The following SOX5 variants were observed in gnomAD, a reference collection of about 807,000 sequenced individuals.
SOX5 encodes the protein SRY-box transcription factor 5.
A neutral mutation model predicts 92.0 loss-of-function variants in SOX5; 9 were observed. That is an observed-to-expected ratio of 0.10 (90% CI 0.06 to 0.17). The LOEUF (loss-of-function observed/expected upper bound fraction) is 0.17. SOX5 is among the 10% of genes least tolerant of loss of function. The pLI, the probability that SOX5 is intolerant of heterozygous loss-of-function variation, is 1.00. For missense variants in SOX5, 642 were observed against 944.5 expected, an observed-to-expected ratio of 0.68 and a Z score of 4.20; for synonymous variants, 344 against 336.3, an observed-to-expected ratio of 1.02 and a Z score of -0.25.
chr12:23,817,322 T>C (rs1341387632), intron 3 of SOX5, among the ~76,000 whole-genome samples: 2 of 152,230 alleles, frequency 1.3e-5, no homozygotes, highest in Non-Finnish European at 2.9e-5. Flanking sequence ...GAGTTCAAGA[T>C]AATATCCTCT....
intron 3 of SOX5, among the ~76,000 whole-genome samples, chr12:23,794,745 T>A (rs1198919370): frequency 6.6e-6 from 1 of 152,164 alleles, no homozygotes; most frequent in Non-Finnish European, 1.5e-5. Context: ...CATATGTTCA[T>A]ATATTCTGCT....
chr12:23,806,582 TAAAAAAAAAAAA>T (rs35340250), intron 3 of SOX5, among the ~76,000 whole-genome samples: 1 of 70,456 alleles, frequency 1.4e-5, no homozygotes, highest in Admixed American at 1.7e-4. Context: ...CTTTTTCCAC[TAAAAAAAAAAAA>T]AAAAGAAAAA....
rs1565916024 is a variant in SOX5, at chr12:23,570,962, TATATATATATATATATATATA to T, written c.1342+4678_1342+4698del. 8.3e-4 allele frequency among the ~76,000 whole-genome samples: 77 copies of T among 92,254 alleles called. 2 individuals carry two copies. The highest frequency in any genetic ancestry group is 1.2e-3 in the Non-Finnish European group (56 of 45,116). The allele number at this position is 92,254 out of a possible 152,430, so 60.5% of individuals were successfully genotyped here. On this transcript the variant is annotated intron_variant, in intron 10 of 14. Coordinates refer to ENST00000451604, the MANE Select transcript of SOX5 (RefSeq NM_006940.6). ...ATATATATATATATATATATATATA[TATATATATATATATATATATA>T]TTTTCATATTTTTGTATTTTTGGTG...
At chr12:23,838,177 C>T (rs1167647814) in intron 3 of SOX5, among the ~76,000 whole-genome samples, 1 of 141,298 alleles carries the variant, frequency 7.1e-6, no homozygotes, top group African/African-American at 2.6e-5. Context: ...ATTTATATTA[C>T]ATATATTTAT....
At chr12:24,120,793 TGTTTA>T (rs1948532348) in intron 4 of SOX5, among the ~76,000 whole-genome samples, 1 of 152,262 alleles carries the variant, frequency 6.6e-6, no homozygotes, top group Non-Finnish European at 1.5e-5. Context: ...GGTTGTGTTT[TGTTTA>T]GTCTTGATTG....
intron 2 of SOX5, among the ~76,000 whole-genome samples, chr12:24,294,100 T>C (rs10505939): frequency 0.43 from 64,822 of 152,044 alleles, 14,102 homozygotes; most frequent in Middle Eastern, 0.5. Flanking sequence ...AGATTCAAAA[T>C]GCTAAACAGA....
upstream of SOX5, among the ~76,000 whole-genome samples, chr12:23,955,639 T>A (rs1019151524): frequency 6.6e-6 from 1 of 152,052 alleles, no homozygotes; most frequent in Admixed American, 6.6e-5. Context: ...CACTATCAAC[T>A]CTCCTTGTGA....
intron 4 of SOX5, among the ~76,000 whole-genome samples, chr12:24,170,247 C>T (rs1953931324): frequency 6.6e-6 from 1 of 152,164 alleles, no homozygotes; most frequent in Non-Finnish European, 1.5e-5. Context: ...AGCGCTAGTG[C>T]AAGGACAGGG....
At chr12:23,992,030 C>A (rs1307374730) in intron 4 of SOX5, among the ~76,000 whole-genome samples, 1 of 152,046 alleles carries the variant, frequency 6.6e-6, no homozygotes, top group Non-Finnish European at 1.5e-5. Context: ...TCATCATCAT[C>A]AGTAGCAAAA....
chr12:23,838,202 T>C, intron 3 of SOX5, among the ~76,000 whole-genome samples: 1 of 145,452 alleles, frequency 6.9e-6, no homozygotes. Flanking sequence ...ATATTATATA[T>C]ACCCATTTTT....
rs1939512170 is a variant in SOX5 at position 23,533,430 on chromosome 12, C to CCTAA, written c.*785_*788dup. 2 of 207,280 alleles carry CCTAA rather than the reference C, an allele frequency of 9.6e-6. No homozygotes were observed. Among genetic ancestry groups the CCTAA allele is most frequent in the East Asian group, 1.2e-4 (1 of 8,618 alleles). The allele number at this position is 207,280 out of a possible 1,614,324, so 12.8% of individuals were successfully genotyped here. A position where few individuals can be genotyped will look rare whatever the true frequency, so the allele number is the denominator to read the frequency against. ...GGGATTGTCTAAGATTTAACACTGT[C>CCTAA]CTAACTTAAGAAGGAAAAGGAAAAA... is the stretch of plus-strand genomic sequence containing the variant. On this transcript the variant is annotated 3_prime_UTR_variant, in exon 15 of 15. Transcript: ENST00000451604.
At chr12:23,835,249 A>G (rs1296160200) in intron 3 of SOX5, among the ~76,000 whole-genome samples, 1 of 151,894 alleles carries the variant, frequency 6.6e-6, no homozygotes, top group Non-Finnish European at 1.5e-5. Context: ...TTTCTAAAAT[A>G]TAAAAAACAA....
At chr12:24,122,796 A>G (rs115648608) in intron 4 of SOX5, among the ~76,000 whole-genome samples, 1,626 of 152,364 alleles carry the variant, frequency 0.011, 29 homozygotes, top group African/African-American at 0.036. Context: ...GTTTTTTAAA[A>G]GCAATTTCTG....
chr12:23,851,122 A>G (rs2096629059), intron 2 of SOX5, among the ~76,000 whole-genome samples: 2 of 152,150 alleles, frequency 1.3e-5, no homozygotes, highest in Admixed American at 6.5e-5. Flanking sequence ...TTTACCCCTT[A>G]TCAAGATAAA....
intron 8 of SOX5, among the ~76,000 whole-genome samples, chr12:23,633,237 A>G (rs2078782790): frequency 6.6e-6 from 1 of 152,088 alleles, no homozygotes; most frequent in Non-Finnish European, 1.5e-5. Context: ...CAAAAAACAG[A>G]AACAGTACAT....
At chr12:23,545,132 G>A (rs1942859143) in intron 12 of SOX5, among the ~76,000 whole-genome samples, 1 of 152,202 alleles carries the variant, frequency 6.6e-6, no homozygotes, top group Non-Finnish European at 1.5e-5. Flanking sequence ...CCCTTGATTA[G>A]TATAGACCTG....
At chr12:24,159,040 T>C (rs947234725) in intron 4 of SOX5, among the ~76,000 whole-genome samples, 5 of 151,982 alleles carry the variant, frequency 3.3e-5, no homozygotes, top group Non-Finnish European at 7.4e-5. Flanking sequence ...TGGCATTAAT[T>C]TGGAGTGATA....
chr12:23,627,509 T>G (rs993798003), intron 8 of SOX5, among the ~76,000 whole-genome samples: 9 of 152,162 alleles, frequency 5.9e-5, no homozygotes, highest in Non-Finnish European at 1.0e-4. Flanking sequence ...GCCAGTTTTA[T>G]ACCCTTGAAT....
chr12:23,719,892 T>TA (rs1282274913), intron 6 of SOX5, among the ~76,000 whole-genome samples: 4 of 152,010 alleles, frequency 2.6e-5, no homozygotes, highest in Non-Finnish European at 4.4e-5. Flanking sequence ...AGTGATTTTG[T>TA]ATCACAAGCA....
Sources: allele counts gnomAD v4.1 joint callset (sites outside exome capture counted in the v4.1 genomes callset), GRCh38; gene constraint gnomAD v4.1.1; transcripts MANE v1.5; gene names NCBI Gene and HGNC (gene_info 2026-07-23, HGNC 2026-07-21).